KALRN: variants seen among roughly 807,000 people sequenced by gnomAD.
The protein encoded by KALRN is kalirin RhoGEF kinase.
KALRN carries 70 observed loss-of-function variants against 353.7 expected under a neutral mutation model. The observed-to-expected ratio is 0.20, with a 90% confidence interval of 0.16 to 0.24. The LOEUF (loss-of-function observed/expected upper bound fraction) is 0.24, where lower values mean the gene tolerates loss of function less well. KALRN is among the 10% of genes least tolerant of loss of function. The probability of loss-of-function intolerance (pLI) is 1.00; values close to 1 mark genes in which losing one functional copy is unlikely to be tolerated. For missense variants in KALRN, 2,791 were observed against 3,756.7 expected, an observed-to-expected ratio of 0.74 and a Z score of 6.72; for synonymous variants, 1,391 against 1,434.8, an observed-to-expected ratio of 0.97 and a Z score of 0.69.
At chr3:124,160,143 A>G (rs72972684) in intron 1 of KALRN, among the ~76,000 whole-genome samples, 1 of 149,982 alleles carries the variant, frequency 6.7e-6, no homozygotes, top group African/African-American at 2.5e-5. Flanking sequence ...AGATGAAGTC[A>G]TACTAGATTA....
intron 51 of KALRN, among the ~76,000 whole-genome samples, chr3:124,683,620 G>A (rs2061434599): frequency 6.6e-6 from 1 of 152,184 alleles, no homozygotes; most frequent in Non-Finnish European, 1.5e-5. Flanking sequence ...AGCAGAGAAA[G>A]TCAGTTCATC....
intron 1 of KALRN, among the ~76,000 whole-genome samples, chr3:124,106,389 C>T (rs973720805): frequency 2.6e-5 from 4 of 152,108 alleles, no homozygotes; most frequent in African/African-American, 9.7e-5. Context: ...CCTCCGATGA[C>T]CCTGTGATGT....
intron 13 of KALRN, among the ~76,000 whole-genome samples, chr3:124,403,244 C>T (rs1256063824): frequency 6.6e-6 from 1 of 152,114 alleles, no homozygotes; most frequent in Non-Finnish European, 1.5e-5. Flanking sequence ...ATTTTATATA[C>T]TTTGTATTGG....
At chr3:124,302,587 T>C (rs2077351787) in intron 6 of KALRN, among the ~76,000 whole-genome samples, 1 of 152,216 alleles carries the variant, frequency 6.6e-6, no homozygotes, top group African/African-American at 2.4e-5. Flanking sequence ...ATGTCAAGTG[T>C]TTATACATTG....
chr3:124,495,990 T>TATATATACAC (rs1561136829), intron 32 of KALRN, among the ~76,000 whole-genome samples: 1 of 58,532 alleles, frequency 1.7e-5, no homozygotes, highest in Non-Finnish European at 3.1e-5. Flanking sequence ...TATATATATA[T>TATATATACAC]ATATATATAT....
intron 2 of KALRN, 51 bp downstream of exon 2, chr3:124,228,115 TGTGCA>T (rs1294565383): frequency 7.3e-7 from 1 of 1,378,180 alleles, no homozygotes; most frequent in Non-Finnish European, 1.0e-6. Context: ...AAGTTGTGTG[TGTGCA>T]CATGTGTTCA....
At chr3:124,712,840 A>G (rs1407191390) in intron 57 of KALRN, 95 bp from the exon 58 acceptor site, 1 of 768,226 alleles carries the variant, frequency 1.3e-6, no homozygotes, top group African/African-American at 1.8e-5. Context: ...AATAAGATCT[A>G]TCTGACCACT....
rs139618361 is a variant in KALRN, at chr3:124,346,787, A to G, written c.1648-356A>G. 7.4e-4 allele frequency among the ~76,000 whole-genome samples: 113 copies of G among 152,240 alleles called. 1 individual carries two copies. The highest frequency in any genetic ancestry group is 2.0e-3 in the Admixed American group (30 of 15,298). ...ATACTGCCCAAACTGCTACTACCTA[A>G]TTTCCTGCCAATATCTTTATGTGAT... is the stretch of plus-strand genomic sequence containing the variant. On this transcript the variant is annotated intron_variant, in intron 9 of 59. Coordinates refer to ENST00000682506, the MANE Select transcript of KALRN (RefSeq NM_001388419.1).
At chr3:124,445,013 A>G (rs1475842071) in intron 19 of KALRN, among the ~76,000 whole-genome samples, 1 of 152,146 alleles carries the variant, frequency 6.6e-6, no homozygotes, top group African/African-American at 2.4e-5. Flanking sequence ...TAAAGCATAG[A>G]AAGTTGTACT....
chr3:124,581,715 G>A (rs185894240), intron 34 of KALRN, among the ~76,000 whole-genome samples: 2 of 152,146 alleles, frequency 1.3e-5, no homozygotes, highest in East Asian at 3.8e-4. Flanking sequence ...AGAGGGATTG[G>A]GTGGGTAAAC....
chr3:124,484,095 C>G (rs1039756417), intron 28 of KALRN, among the ~76,000 whole-genome samples: 9 of 152,202 alleles, frequency 5.9e-5, no homozygotes, highest in Non-Finnish European at 1.2e-4. Flanking sequence ...TGATGTAATT[C>G]AGCTCATGTT....
At chr3:124,448,253 G>A (rs2093904275) in intron 21 of KALRN, among the ~76,000 whole-genome samples, 1 of 152,138 alleles carries the variant, frequency 6.6e-6, no homozygotes. Context: ...ACCCTGAGCT[G>A]TAGTAGCTTC....
intron 38 of KALRN, among the ~76,000 whole-genome samples, chr3:124,651,990 G>T (rs2083466710): frequency 6.6e-6 from 1 of 152,166 alleles, no homozygotes. Context: ...CAGAGCTACT[G>T]ATGAGTCTTA....
At chr3:124,184,095 G>A (rs1407566207) in intron 1 of KALRN, among the ~76,000 whole-genome samples, 4 of 152,168 alleles carry the variant, frequency 2.6e-5, no homozygotes. Context: ...GAAGAAGGTT[G>A]TTCCAATCTA....
chr3:124,221,040 G>A (rs2077851351), intron 1 of KALRN, among the ~76,000 whole-genome samples: 1 of 152,196 alleles, frequency 6.6e-6, no homozygotes, highest in Admixed American at 6.5e-5. Context: ...GTCTCCGAAG[G>A]CACTTGCAGT....
chr3:124,164,849 G>A (rs915527281), intron 1 of KALRN, among the ~76,000 whole-genome samples: 5 of 152,182 alleles, frequency 3.3e-5, no homozygotes, highest in African/African-American at 1.2e-4. Context: ...CATGCAAGAA[G>A]CAGCATGGTT....
chr3:124,496,999 A>G (rs904230832), intron 33 of KALRN, among the ~76,000 whole-genome samples: 4 of 152,204 alleles, frequency 2.6e-5, no homozygotes, highest in Non-Finnish European at 5.9e-5. Context: ...AGGAAGTGGT[A>G]TACGAAGGGT....
chr3:124,364,008 T>C (rs2084355250), intron 10 of KALRN, among the ~76,000 whole-genome samples: 1 of 152,166 alleles, frequency 6.6e-6, no homozygotes, highest in African/African-American at 2.4e-5. Flanking sequence ...CAGCAAGCAG[T>C]GTTGCCCCAC....
At chr3:124,080,661 G>C (rs78521883) in intron 1 of KALRN, among the ~76,000 whole-genome samples, 4 of 152,054 alleles carry the variant, frequency 2.6e-5, no homozygotes, top group Non-Finnish European at 5.9e-5. Flanking sequence ...GCGTCTCCTT[G>C]TACACATGTA....
Sources: allele counts gnomAD v4.1 joint callset (sites outside exome capture counted in the v4.1 genomes callset), GRCh38; gene constraint gnomAD v4.1.1; transcripts MANE v1.5; gene names NCBI Gene and HGNC (gene_info 2026-07-23, HGNC 2026-07-21).